Variants in RNMT observed in about 807,000 individuals in gnomAD.
RNMT encodes RNA guanine-7 methyltransferase.
Under a neutral mutation model 56.0 loss-of-function variants are expected in RNMT, and 27 were observed. That is an observed-to-expected ratio of 0.48 (90% CI 0.36 to 0.67). The LOEUF is 0.67. Ranked by LOEUF, RNMT falls within the 30% of genes least tolerant of loss-of-function variation. The probability of loss-of-function intolerance (pLI) is 0.00; values close to 1 mark genes in which losing one functional copy is unlikely to be tolerated. For missense variants in RNMT, 519 were observed against 552.1 expected (o/e 0.94, Z 0.60); for synonymous variants, 184 against 176.2 (o/e 1.04, Z -0.35).
chr18:13,747,361 C>A (rs901364765), intron 9 of RNMT, among the ~76,000 whole-genome samples: 3 of 151,918 alleles, frequency 2.0e-5, no homozygotes, highest in Non-Finnish European at 2.9e-5. Context: ...TGACTACAAG[C>A]GTGTGTCACC....
At chr18:13,736,860 A>T in intron 4 of RNMT, 150 bp from the exon 5 acceptor site, 2 of 549,814 alleles carry the variant, frequency 3.6e-6, no homozygotes, top group Non-Finnish European at 6.1e-6. Flanking sequence ...ATTTTTAGTT[A>T]CTTATCAGAA....
At chr18:13,757,402 ACTC>A (rs1258142780) in intron 11 of RNMT, among the ~76,000 whole-genome samples, 1 of 152,064 alleles carries the variant, frequency 6.6e-6, no homozygotes, top group Non-Finnish European at 1.5e-5. Flanking sequence ...AATTGGAGTC[ACTC>A]CTCTGAAACC....
intron 9 of RNMT, among the ~76,000 whole-genome samples, chr18:13,750,860 G>A (rs1200125933): frequency 1.3e-5 from 2 of 152,090 alleles, no homozygotes; most frequent in South Asian, 2.1e-4. Context: ...AACAAGCAAT[G>A]GAGAAAGGAT....
At position 13,737,119 on chromosome 18, in the gene RNMT, C is replaced by G; in HGVS notation, c.663C>G (p.Asn221Lys). The G allele has an allele frequency of 6.2e-7, 1 of 1,609,250 alleles. No individual in the cohort carries two copies. The highest frequency in any genetic ancestry group is 8.5e-7 in the Non-Finnish European group (1 of 1,176,132). ...DLLKWKKGRI[N>K]KLVCTDIADV... ...TGAAATGGAAAAAAGGAAGAATTAA[C>G]AAGCTAGTTTGTACTGGTAAGATAA... Residue 221 changes from asparagine (N) to lysine (K), a missense_variant, in exon 5 of 12, where the codon AAC becomes AAG. Coordinates refer to ENST00000383314, the MANE Select transcript of RNMT (RefSeq NM_003799.3).
At position 13,763,225 on chromosome 18, in the gene RNMT, A is replaced by G; in HGVS notation, c.*3246A>G. Reference sequence around the variant, plus strand: ...TCATTCCCCGCCCTCTGACAGAACAACATTCCTAATTCTTTGAAGGCAACC... The same window carrying G: ...TCATTCCCCGCCCTCTGACAGAACAGCATTCCTAATTCTTTGAAGGCAACC... On this transcript the variant is annotated 3_prime_UTR_variant, in exon 12 of 12. Transcript: ENST00000383314. The G allele has an allele frequency of 2.3e-6, 1 of 443,148 alleles. No individual in the cohort carries two copies. The highest frequency in any genetic ancestry group is 4.5e-6 in the Non-Finnish European group (1 of 219,792). 27.5% of individuals were successfully genotyped at this position (443,148 alleles called of 1,614,324 possible).
At chr18:13,737,966 C>T (rs1410923790) in intron 5 of RNMT, among the ~76,000 whole-genome samples, 3 of 147,602 alleles carry the variant, frequency 2.0e-5, no homozygotes, top group Non-Finnish European at 3.0e-5. Flanking sequence ...TTTTTTGCTA[C>T]GGAAGCCATT....
chr18:13,753,585 C>T (rs1028136016), intron 10 of RNMT, among the ~76,000 whole-genome samples: 1 of 151,912 alleles, frequency 6.6e-6, no homozygotes, highest in Non-Finnish European at 1.5e-5. Context: ...TCCTGGCTGA[C>T]ACGGTGAAAC....
chr18:13,753,639 C>T (rs367713266), intron 10 of RNMT, among the ~76,000 whole-genome samples: 3 of 151,238 alleles, frequency 2.0e-5, no homozygotes, highest in East Asian at 3.9e-4. Flanking sequence ...GGCGTGGTGG[C>T]GGGCACCTGT....
chr18:13,740,054 C>G, intron 5 of RNMT, 113 bp from the exon 6 acceptor site: 1 of 671,802 alleles, frequency 1.5e-6, no homozygotes, highest in East Asian at 2.9e-5. Context: ...GGAAATAAAA[C>G]CTTTTCACTG....
In RNMT at chr18:13,731,964, A is replaced by T. The variant is rs78175224; in HGVS notation, c.417+30A>T. ...GTTCAGTGTATTTTCATTTATTCATAATAGAATATGTAAGTTTGAAATGTG... is the reference window on the plus strand; with the variant it reads ...GTTCAGTGTATTTTCATTTATTCATTATAGAATATGTAAGTTTGAAATGTG... On this transcript the variant is annotated intron_variant, in intron 3 of 11. Coordinates refer to ENST00000383314, the MANE Select transcript of RNMT (RefSeq NM_003799.3). The T allele has an allele frequency of 2.7e-3, 4,134 of 1,526,558 alleles. 100 individuals carry two copies. In the African/African-American group the frequency reaches 0.051, roughly 19 times the overall value. 94.6% of individuals were successfully genotyped at this position (1,526,558 alleles called of 1,614,324 possible).
At chr18:13,755,372 G>T in intron 11 of RNMT, among the ~76,000 whole-genome samples, 1 of 152,200 alleles carries the variant, frequency 6.6e-6, no homozygotes, top group East Asian at 1.9e-4. Flanking sequence ...TTTAATCCTT[G>T]TAATAACTCA....
chr18:13,756,598 C>A (rs1336527467), intron 11 of RNMT, among the ~76,000 whole-genome samples: 2 of 152,208 alleles, frequency 1.3e-5, no homozygotes, highest in Admixed American at 1.3e-4. Flanking sequence ...TTGATGAACA[C>A]CCTGCCTGTT....
intron 9 of RNMT, among the ~76,000 whole-genome samples, chr18:13,747,037 AC>A (rs2044363509): frequency 1.3e-5 from 2 of 152,174 alleles, no homozygotes; most frequent in Non-Finnish European, 2.9e-5. Context: ...GGTTGGACAG[AC>A]CTAAAATATT....
intron 1 of RNMT, chr18:13,726,971 A>G (rs531830321): frequency 1.3e-5 from 2 of 152,408 alleles, no homozygotes; most frequent in South Asian, 4.1e-4. Flanking sequence ...TGGGAGAAGC[A>G]GCTCGAAGAG....
intron 1 of RNMT, among the ~76,000 whole-genome samples, chr18:13,730,042 G>A (rs1348903269): frequency 2.0e-5 from 3 of 152,072 alleles, no homozygotes; most frequent in South Asian, 2.1e-4. Context: ...TGCCCACCTC[G>A]TTCCCCCAAA....
At chr18:13,745,234 G>T (rs2044332359) in intron 8 of RNMT, among the ~76,000 whole-genome samples, 1 of 152,324 alleles carries the variant, frequency 6.6e-6, no homozygotes, top group East Asian at 1.9e-4. Flanking sequence ...TGTTAAGGGG[G>T]TAGTGACATG....
intron 9 of RNMT, among the ~76,000 whole-genome samples, chr18:13,749,926 C>CTTTTTGTA (rs1411996908): frequency 6.6e-6 from 1 of 151,762 alleles, no homozygotes; most frequent in African/African-American, 2.4e-5. Context: ...CACCTGGCTA[C>CTTTTTGTA]TTTTTGTATT....
chr18:13,761,403 C>T lies in RNMT; in HGVS notation c.*1424C>T, dbSNP rs571770551. ...AAAGGAAGTCTTCCTGTCACATATG[C>T]AGGTTCGTTTTCATTCTAGGGCAGT... On this transcript the variant is annotated 3_prime_UTR_variant, in exon 12 of 12. Coordinates refer to ENST00000383314, the MANE Select transcript of RNMT (RefSeq NM_003799.3). 1 of 985,438 alleles carries T rather than the reference C, an allele frequency of 1.0e-6. No individual in the cohort carries two copies. The highest frequency in any genetic ancestry group is 4.7e-5 in the South Asian group (1 of 21,288). The allele number at this position is 985,438 out of a possible 1,614,324, so 61.0% of individuals were successfully genotyped here. A position where few individuals can be genotyped will look rare whatever the true frequency, so the allele number is the denominator to read the frequency against.
chr18:13,740,407 AC>A (rs1170973074), intron 6 of RNMT, 128 bp downstream of exon 6: 6 of 596,348 alleles, frequency 1.0e-5, no homozygotes, highest in South Asian at 6.1e-5. Context: ...ACAGGGTCTT[AC>A]TCTGTCACCT....
Sources: gnomAD v4.1 joint callset for allele counts (sites outside exome capture counted in the v4.1 genomes callset) on GRCh38, gnomAD v4.1.1 for gene constraint, MANE v1.5 for transcripts, NCBI Gene and HGNC (gene_info 2026-07-23, HGNC 2026-07-21) for gene names.